SCN8A: variants seen among roughly 807,000 people sequenced by gnomAD.
SCN8A encodes the protein sodium channel protein type 8 subunit alpha.
Under a neutral mutation model 184.1 loss-of-function variants are expected in SCN8A, and 30 were observed. The observed-to-expected ratio is 0.16, with a 90% CI of 0.12 to 0.22. SCN8A has a LOEUF of 0.22. Ranked by LOEUF, SCN8A falls within the 10% of genes least tolerant of loss-of-function variation. SCN8A has a pLI of 1.00. For missense variants in SCN8A, 1,057 were observed against 2,498.9 expected (o/e 0.42, Z 12.30); for synonymous variants, 852 against 907.0 (o/e 0.94, Z 1.09).
chr12:51,779,219 CAAA>C (rs35152992), intron 20 of SCN8A, among the ~76,000 whole-genome samples: 5 of 125,172 alleles, frequency 4.0e-5, no homozygotes, highest in Admixed American at 8.0e-5. Context: ...GACTTTGTCT[CAAA>C]AAAAAAAAAA....
intron 8 of SCN8A, among the ~76,000 whole-genome samples, chr12:51,701,587 G>A (rs895957851): frequency 6.6e-6 from 1 of 152,134 alleles, no homozygotes; most frequent in Non-Finnish European, 1.5e-5. Flanking sequence ...CAGCATAGAG[G>A]AGGAAAAAGA....
intron 12 of SCN8A, among the ~76,000 whole-genome samples, chr12:51,732,323 G>A (rs1428819092): frequency 4.6e-5 from 7 of 152,120 alleles, no homozygotes; most frequent in African/African-American, 1.4e-4. Flanking sequence ...TTATTGATGA[G>A]ACTGTCTTTT....
chr12:51,737,601 G>A (rs1942348749), intron 12 of SCN8A, among the ~76,000 whole-genome samples: 2 of 152,166 alleles, frequency 1.3e-5, no homozygotes, highest in Non-Finnish European at 2.9e-5. Flanking sequence ...ACTTTTTGTG[G>A]CACAATGGTA....
intron 12 of SCN8A, among the ~76,000 whole-genome samples, chr12:51,738,044 G>A (rs1403380590): frequency 6.6e-6 from 1 of 152,158 alleles, no homozygotes; most frequent in Non-Finnish European, 1.5e-5. Flanking sequence ...CCATTTTAAA[G>A]GTATAGGTTC....
intron 9 of SCN8A, among the ~76,000 whole-genome samples, chr12:51,704,740 C>T (rs552120536): frequency 2.8e-4 from 42 of 150,856 alleles, no homozygotes; most frequent in African/African-American, 8.3e-4. Context: ...TTTGGGAGGC[C>T]GAGGCGGGTG....
chr12:51,809,496 T>C lies in SCN8A; in HGVS notation c.*2067T>C, dbSNP rs59570241. On this transcript the variant is annotated 3_prime_UTR_variant, in exon 27 of 27. Transcript: ENST00000627620. ...TCTATCTTGTTGGACCACTAGAAAC[T>C]GTCCAGCTCTCTTAAGCCTGCTTCT... is the stretch of plus-strand genomic sequence containing the variant. 1 of 152,248 alleles carries C rather than the reference T, an allele frequency of 6.6e-6. No individual in the cohort carries two copies. The highest frequency in any genetic ancestry group is 1.5e-5 in the Non-Finnish European group (1 of 68,048). 9.4% of individuals were successfully genotyped at this position (152,248 alleles called of 1,614,324 possible). A position where few individuals can be genotyped will look rare whatever the true frequency, so the allele number is the denominator to read the frequency against.
At chr12:51,765,321 T>C (rs1942821875) in intron 15 of SCN8A, among the ~76,000 whole-genome samples, 3 of 152,196 alleles carry the variant, frequency 2.0e-5, no homozygotes, top group Admixed American at 1.3e-4. Flanking sequence ...CACATTTTAT[T>C]TCACTTGTCC....
chr12:51,657,992 A>AT (rs1449773196), intron 1 of SCN8A, among the ~76,000 whole-genome samples: 1 of 152,000 alleles, frequency 6.6e-6, no homozygotes, highest in African/African-American at 2.4e-5. Context: ...TTTTATGCTA[A>AT]TACCATGTTG....
chr12:51,606,462 C>G (rs1220819325), intron 1 of SCN8A, among the ~76,000 whole-genome samples: 3 of 152,130 alleles, frequency 2.0e-5, no homozygotes, highest in African/African-American at 7.2e-5. Flanking sequence ...TATTTTTATA[C>G]CAGTACCACA....
rs777851383 is a variant in SCN8A, at chr12:51,706,599, G to C, written c.1519G>C (p.Glu507Gln). The C allele has an allele frequency of 1.1e-5, 17 of 1,609,100 alleles. No homozygotes were observed. Among genetic ancestry groups the C allele is most frequent in the Admixed American group, 1.7e-5 (1 of 59,384 alleles). ...KRKQKELSEG[E>Q]EKGDPEKVFK... ...GAAGCAAAAGGAACTCTCTGAAGGA[G>C]AGGAGAAAGGGGATCCCGAGAAGGT... Residue 507 changes from glutamate to glutamine, a missense_variant, in exon 11 of 27, where the codon GAG becomes CAG. Around this residue, in one of 19 missense-constraint regions of SCN8A, gnomAD observed 322 missense variants for 390.1 expected, o/e 0.83. Coordinates refer to ENST00000627620, the MANE Select transcript of SCN8A (RefSeq NM_001330260.2).
intron 1 of SCN8A, among the ~76,000 whole-genome samples, chr12:51,634,608 T>G (rs913940285): frequency 6.6e-6 from 1 of 150,682 alleles, no homozygotes; most frequent in Non-Finnish European, 1.5e-5. Flanking sequence ...TTTCTATATT[T>G]TTCAAGTTTT....
At chr12:51,762,782 T>A in intron 15 of SCN8A, 106 bp downstream of exon 15, 1 of 1,033,584 alleles carries the variant, frequency 9.7e-7, no homozygotes, top group Non-Finnish European at 1.3e-6. Context: ...TTAGCTGTAT[T>A]TTACTCCCAA....
intron 1 of SCN8A, among the ~76,000 whole-genome samples, chr12:51,660,053 C>G (rs1940896845): frequency 6.6e-6 from 1 of 152,122 alleles, no homozygotes; most frequent in African/African-American, 2.4e-5. Context: ...CCCTAAAAGA[C>G]TGTAACAGAG....
At chr12:51,801,361 C>T (rs566293802) in intron 26 of SCN8A, among the ~76,000 whole-genome samples, 32 of 152,314 alleles carry the variant, frequency 2.1e-4, no homozygotes, top group South Asian at 1.0e-3. Context: ...TTCAAGGATG[C>T]AGGTGCTCCC....
chr12:51,740,219 TGGCCAGTTTTGG>T (rs1036150645), intron 12 of SCN8A, among the ~76,000 whole-genome samples: 2 of 152,248 alleles, frequency 1.3e-5, no homozygotes, highest in African/African-American at 4.8e-5. Flanking sequence ...ATTTTGTTTA[TGGCCAGTTTTGG>T]GGCCAGTTTA....
intron 1 of SCN8A, among the ~76,000 whole-genome samples, chr12:51,639,310 C>A (rs1297061816): frequency 1.3e-5 from 2 of 152,186 alleles, no homozygotes; most frequent in Non-Finnish European, 2.9e-5. Context: ...GGTGAAGATG[C>A]TGTGAGGATT....
chr12:51,775,862 C>A (rs1229484598), intron 20 of SCN8A, among the ~76,000 whole-genome samples: 1 of 152,194 alleles, frequency 6.6e-6, no homozygotes, highest in African/African-American at 2.4e-5. Context: ...CCATGACCTA[C>A]CCTCACCAGA....
intron 1 of SCN8A, among the ~76,000 whole-genome samples, chr12:51,641,916 T>A (rs1427704546): frequency 6.6e-6 from 1 of 152,158 alleles, no homozygotes; most frequent in African/African-American, 2.4e-5. Context: ...CAAATCCAAT[T>A]CCAAGAGACT....
chr12:51,734,261 C>T (rs1382518620), intron 12 of SCN8A, among the ~76,000 whole-genome samples: 7 of 152,198 alleles, frequency 4.6e-5, no homozygotes, highest in Admixed American at 2.6e-4. Context: ...AAGACACACA[C>T]ACACAGAAAT....
Sources: gnomAD v4.1 joint callset for allele counts (sites outside exome capture counted in the v4.1 genomes callset) on GRCh38, gnomAD v4.1.1 for gene constraint, gnomAD v4.1.1 regional missense constraint, MANE v1.5 for transcripts, NCBI Gene and HGNC (gene_info 2026-07-23, HGNC 2026-07-21) for gene names.